The following SLIRP variants were observed in gnomAD, a reference collection of about 807,000 sequenced individuals.
SLIRP encodes SRA stem-loop-interacting RNA-binding protein, mitochondrial.
Under a neutral mutation model 13.4 loss-of-function variants are expected in SLIRP, and 12 were observed. The observed-to-expected ratio is 0.89, with a 90% confidence interval of 0.57 to 1.45. The LOEUF (loss-of-function observed/expected upper bound fraction) is 1.45, where lower values mean the gene tolerates loss of function less well. Among genes scored for constraint, SLIRP ranks in the 40% most tolerant of loss-of-function variants. The pLI is 0.00. For synonymous variants in SLIRP, 55 were observed against 47.1 expected, an observed-to-expected ratio of 1.17 and a Z score of -0.69; for missense variants, 154 against 132.2, an observed-to-expected ratio of 1.17 and a Z score of -0.81.
At chr14:77,709,427 TAA>T (rs2080422967) in intron 1 of SLIRP, among the ~76,000 whole-genome samples, 1 of 152,228 alleles carries the variant, frequency 6.6e-6, no homozygotes, top group Non-Finnish European at 1.5e-5. Flanking sequence ...CCAAGCCCAG[TAA>T]AGTCTCCCGT....
intron 2 of SLIRP, chr14:77,711,652 CTT>C (rs2080441558): frequency 6.6e-6 from 1 of 152,386 alleles, no homozygotes; most frequent in Admixed American, 6.5e-5. Flanking sequence ...GCCTCCCAGG[CTT>C]AGGTGATCCT....
At chr14:77,708,479 G>A (rs927451477) in intron 1 of SLIRP, among the ~76,000 whole-genome samples, 2 of 152,126 alleles carry the variant, frequency 1.3e-5, no homozygotes, top group Non-Finnish European at 2.9e-5. Context: ...AATTTAGAAG[G>A]GATAATTTTG....
At chr14:77,708,336 G>A (rs540656368) in intron 1 of SLIRP, 128 bp downstream of exon 1, 1 of 900,182 alleles carries the variant, frequency 1.1e-6, no homozygotes, top group South Asian at 1.6e-5. Flanking sequence ...GCATGCAAGT[G>A]AGCAGAAAGA....
chr14:77,717,143 T>G (rs1355919353), intron 3 of SLIRP, among the ~76,000 whole-genome samples: 1 of 146,184 alleles, frequency 6.8e-6, no homozygotes, highest in African/African-American at 2.4e-5. Context: ...CCAAACTGAT[T>G]TACTATTTTA....
intron 1 of SLIRP, among the ~76,000 whole-genome samples, chr14:77,708,655 T>G (rs1729318552): frequency 6.6e-6 from 1 of 152,204 alleles, no homozygotes; most frequent in Admixed American, 6.5e-5. Context: ...AGATGCCGTT[T>G]CGTGATGGCT....
intron 2 of SLIRP, among the ~76,000 whole-genome samples, chr14:77,714,087 A>G (rs912823223): frequency 1.3e-5 from 2 of 151,762 alleles, no homozygotes; most frequent in African/African-American, 4.8e-5. Context: ...AGTTCACTGC[A>G]GGCTTGAACT....
At chr14:77,712,383 C>A (rs1427478524) in intron 2 of SLIRP, among the ~76,000 whole-genome samples, 1 of 151,466 alleles carries the variant, frequency 6.6e-6, no homozygotes, top group Non-Finnish European at 1.5e-5. Context: ...AAGCCATTCT[C>A]CTGCCTCAGC....
At chr14:77,715,469 C>A (rs538167262) in intron 2 of SLIRP, among the ~76,000 whole-genome samples, 4 of 127,866 alleles carry the variant, frequency 3.1e-5, no homozygotes, top group African/African-American at 1.2e-4. Context: ...GATGGGAAGA[C>A]CCCATCTCTG....
Position 77,708,219 on chromosome 14 carries a change from G to A in SLIRP, c.97+11G>A, listed in dbSNP as rs2080411367. 1.2e-6 allele frequency: 2 copies of A among 1,613,384 alleles called. No homozygotes were observed. The highest frequency in any genetic ancestry group is 1.7e-6 in the Non-Finnish European group (2 of 1,179,336). ...GGACTGCGGCGTCGAGTGAGTGATG[G>A]AGATGTGGGAGTAGTGGAATTTTTA... On this transcript the variant is annotated intron_variant, in intron 1 of 3. Coordinates refer to ENST00000557342, the MANE Select transcript of SLIRP (RefSeq NM_031210.6).
intron 1 of SLIRP, chr14:77,710,600 T>C: frequency 6.7e-7 from 1 of 1,503,036 alleles, no homozygotes; most frequent in Non-Finnish European, 8.9e-7. Context: ...AAACACTCGA[T>C]ATTTGCTGAG....
chr14:77,708,230 G>A (rs774111948), intron 1 of SLIRP, 22 bp downstream of exon 1: 7 of 1,611,880 alleles, frequency 4.3e-6, no homozygotes, highest in Non-Finnish European at 5.1e-6. Context: ...AGATGTGGGA[G>A]TAGTGGAATT....
chr14:77,714,499 C>T (rs553301490), intron 2 of SLIRP, among the ~76,000 whole-genome samples: 1 of 152,208 alleles, frequency 6.6e-6, no homozygotes, highest in East Asian at 1.9e-4. Context: ...TGGAGTTTCA[C>T]TATGTTGGCC....
At chr14:77,716,330 C>T (rs1227687809) in intron 3 of SLIRP, 3 of 147,228 alleles carry the variant, frequency 2.0e-5, no homozygotes, top group African/African-American at 5.2e-5. Flanking sequence ...AACAAACAAA[C>T]AAAACAACAA....
intron 2 of SLIRP, among the ~76,000 whole-genome samples, chr14:77,714,760 A>T (rs902436992): frequency 1.3e-5 from 2 of 152,242 alleles, no homozygotes; most frequent in Non-Finnish European, 2.9e-5. Context: ...TCCTTGAAGT[A>T]GAGGAGCAAT....
chr14:77,709,899 A>G (rs747657732), intron 1 of SLIRP, among the ~76,000 whole-genome samples: 1 of 152,160 alleles, frequency 6.6e-6, no homozygotes, highest in African/African-American at 2.4e-5. Flanking sequence ...TTACTTATTC[A>G]TTTAGCCAAT....
rs201586503 is a variant in SLIRP, at chr14:77,717,572, T to A, written c.*11T>A. The stretch of plus-strand genomic sequence containing the variant: ...AAGAAAGATTTTTGAGACTGCAGCC[T>A]ATTAATAAAGTTAACATAACTGAGA... On this transcript the variant is annotated 3_prime_UTR_variant, in exon 4 of 4. Coordinates refer to ENST00000557342, the MANE Select transcript of SLIRP (RefSeq NM_031210.6). 3.7e-4 allele frequency: 591 copies of A among 1,608,328 alleles called. No homozygotes were observed. The highest frequency in any genetic ancestry group is 4.6e-4 in the Non-Finnish European group (540 of 1,176,042).
chr14:77,709,721 C>T (rs945469608), intron 1 of SLIRP, among the ~76,000 whole-genome samples: 4 of 152,186 alleles, frequency 2.6e-5, no homozygotes, highest in African/African-American at 9.7e-5. Flanking sequence ...GTTTTGAAAT[C>T]AGTGTCTTCT....
At chr14:77,712,874 C>T (rs374778929) in intron 2 of SLIRP, among the ~76,000 whole-genome samples, 3 of 152,198 alleles carry the variant, frequency 2.0e-5, no homozygotes, top group Non-Finnish European at 2.9e-5. Flanking sequence ...GGCTGTCTTA[C>T]AATATGGCAG....
chr14:77,716,594 A>G (rs538629431), intron 3 of SLIRP, among the ~76,000 whole-genome samples: 12 of 147,914 alleles, frequency 8.1e-5, no homozygotes, highest in African/African-American at 2.5e-4. Flanking sequence ...GTGAACTAAA[A>G]TCGCGCCATT....
Sources: gnomAD v4.1 joint callset for allele counts (sites outside exome capture counted in the v4.1 genomes callset) on GRCh38, gnomAD v4.1.1 for gene constraint, MANE v1.5 for transcripts, NCBI Gene and HGNC (gene_info 2026-07-23, HGNC 2026-07-21) for gene names.